MFSD11: variants seen among roughly 807,000 people sequenced by gnomAD.
The protein encoded by MFSD11 is UNC93-like protein MFSD11.
A neutral mutation model predicts 53.5 loss-of-function variants in MFSD11; 36 were observed. The ratio of observed to expected loss-of-function variants is 0.67; its 90% CI spans 0.52 to 0.89. The LOEUF (loss-of-function observed/expected upper bound fraction) is 0.89, where lower values mean the gene tolerates loss of function less well. Ranked by LOEUF, MFSD11 falls within the 40% of genes least tolerant of loss-of-function variation. The pLI, the probability that MFSD11 is intolerant of heterozygous loss-of-function variation, is 0.00. For synonymous variants in MFSD11, 186 were observed against 184.9 expected (o/e 1.01, Z -0.05); for missense variants, 530 against 543.9 (o/e 0.97, Z 0.25).
the MFSD11 span, among the ~76,000 whole-genome samples, chr17:76,789,752 T>G: frequency 6.7e-6 from 1 of 150,192 alleles, no homozygotes; most frequent in South Asian, 2.2e-4. Context: ...GGCCTGCAAC[T>G]TCTGTCTCCC....
upstream of MFSD11, chr17:76,736,686 A>G (rs1043146559): frequency 8.1e-7 from 1 of 1,240,594 alleles, no homozygotes; most frequent in Non-Finnish European, 1.0e-6. Context: ...CGCGGCGTGC[A>G]CCCCCGCCCC....
chr17:76,803,202 A>C, the MFSD11 span, among the ~76,000 whole-genome samples: 27 of 152,092 alleles, frequency 1.8e-4, no homozygotes, highest in Non-Finnish European at 8.8e-5. Flanking sequence ...AACCCAAAGC[A>C]AGAGATTGAA....
At chr17:76,746,875 C>T (rs901040872) in intron 7 of MFSD11, among the ~76,000 whole-genome samples, 5 of 152,032 alleles carry the variant, frequency 3.3e-5, no homozygotes, top group African/African-American at 9.7e-5. Flanking sequence ...CTTCTAACAA[C>T]ATGTGTTCTG....
chr17:76,780,086 T>C (rs965151718), downstream of MFSD11, among the ~76,000 whole-genome samples: 7 of 152,186 alleles, frequency 4.6e-5, no homozygotes, highest in African/African-American at 7.2e-5. Context: ...CTTAAATTTT[T>C]TTTTTAAATT....
chr17:76,744,945 G>C (rs1485004303), intron 7 of MFSD11, among the ~76,000 whole-genome samples: 1 of 152,182 alleles, frequency 6.6e-6, no homozygotes, highest in Non-Finnish European at 1.5e-5. Context: ...ATGGTGTCCG[G>C]CTCTTGCACT....
At chr17:76,777,110 A>T (rs1442504860) in intron 12 of MFSD11, among the ~76,000 whole-genome samples, 1 of 152,086 alleles carries the variant, frequency 6.6e-6, no homozygotes, top group Non-Finnish European at 1.5e-5. Context: ...TACTAAAAAT[A>T]CAAAAAAATT....
chr17:76,782,158 C>A (rs114216507), downstream of MFSD11, among the ~76,000 whole-genome samples: 8 of 145,718 alleles, frequency 5.5e-5, no homozygotes, highest in Admixed American at 6.9e-5. Flanking sequence ...GAGTTTGTTG[C>A]GCTTTTATTC....
intron 5 of MFSD11, 67 bp from the exon 6 acceptor site, chr17:76,743,331 T>A: frequency 9.5e-7 from 1 of 1,056,304 alleles, no homozygotes. Flanking sequence ...TGGGAATAAT[T>A]ATTTTTAAAA....
chr17:76,788,230 CAG>C, the MFSD11 span, among the ~76,000 whole-genome samples: 1 of 149,272 alleles, frequency 6.7e-6, no homozygotes, highest in Non-Finnish European at 1.5e-5. Flanking sequence ...TTAGTAGAGA[CAG>C]GGTGTTGCCA....
At chr17:76,777,524 C>G in intron 12 of MFSD11, among the ~76,000 whole-genome samples, 1 of 152,184 alleles carries the variant, frequency 6.6e-6, no homozygotes, top group South Asian at 2.1e-4. Context: ...CATGAGCCAC[C>G]GCCCCGGCTA....
chr17:76,768,311 A>G (rs1004763258), intron 9 of MFSD11, among the ~76,000 whole-genome samples: 2 of 151,984 alleles, frequency 1.3e-5, no homozygotes, highest in Admixed American at 6.6e-5. Context: ...GTCTCAAAAA[A>G]AAAAAAAAAA....
chr17:76,767,667 G>T (rs1430635231), intron 9 of MFSD11, among the ~76,000 whole-genome samples: 2 of 152,034 alleles, frequency 1.3e-5, no homozygotes, highest in Non-Finnish European at 2.9e-5. Context: ...TTTTTGTGTA[G>T]TCTCAGAGCT....
intron 7 of MFSD11, among the ~76,000 whole-genome samples, chr17:76,749,288 C>T (rs1300368417): frequency 6.6e-6 from 1 of 152,014 alleles, no homozygotes; most frequent in Non-Finnish European, 1.5e-5. Flanking sequence ...CTTTGGGAGG[C>T]CGAGACAGGC....
chr17:76,748,839 C>G (rs1449851006), intron 7 of MFSD11, among the ~76,000 whole-genome samples: 1 of 152,072 alleles, frequency 6.6e-6, no homozygotes, highest in East Asian at 1.9e-4. Flanking sequence ...CTTCTTTCCT[C>G]CCTCTATCCT....
chr17:76,743,499 A>G, intron 6 of MFSD11, 43 bp downstream of exon 6: 1 of 1,284,880 alleles, frequency 7.8e-7, no homozygotes. Context: ...TGTTCAAAGC[A>G]TAATAGGAGT....
At chr17:76,781,798 G>A (rs1358292936), downstream of MFSD11, among the ~76,000 whole-genome samples, 1 of 152,136 alleles carries the variant, frequency 6.6e-6, no homozygotes, top group Non-Finnish European at 1.5e-5. Context: ...CTGGCTTTGT[G>A]CTATGGTATT....
the MFSD11 span, among the ~76,000 whole-genome samples, chr17:76,791,775 T>C: frequency 2.7e-5 from 4 of 149,252 alleles, 1 homozygote; most frequent in East Asian, 1.9e-4. Context: ...CATTTTGGCC[T>C]GTCCCATTAT....
At chr17:76,758,298 G>A (rs1304215820) in intron 8 of MFSD11, among the ~76,000 whole-genome samples, 1 of 79,168 alleles carries the variant, frequency 1.3e-5, no homozygotes, top group East Asian at 4.9e-4. Flanking sequence ...AAGTAATTGA[G>A]GCTGGGCACA....
the MFSD11 span, among the ~76,000 whole-genome samples, chr17:76,787,334 G>A: frequency 4.8e-3 from 708 of 148,562 alleles, 29 homozygotes; most frequent in African/African-American, 0.016. Flanking sequence ...ACGGGGTTTC[G>A]CCATGTTGGC....
Sources: gnomAD v4.1 joint callset for allele counts (sites outside exome capture counted in the v4.1 genomes callset) on GRCh38, gnomAD v4.1.1 for gene constraint, MANE v1.5 for transcripts, NCBI Gene and HGNC (gene_info 2026-07-23, HGNC 2026-07-21) for gene names.